The following GFRA1 variants were observed in gnomAD, a reference collection of about 807,000 sequenced individuals.
GFRA1 encodes GDNF family receptor alpha-1.
In GFRA1, 16 loss-of-function variants were observed where a neutral mutation model predicts 51.6. The observed-to-expected ratio is 0.31, with a 90% CI of 0.21 to 0.47. The LOEUF is 0.47. Among genes scored for constraint, GFRA1 ranks in the 20% least tolerant of loss-of-function variants. The pLI is 1.00. For synonymous variants in GFRA1, 270 were observed against 241.3 expected (o/e 1.12, Z -1.10); for missense variants, 530 against 594.3 (o/e 0.89, Z 1.13).
At chr10:116,181,626 T>TA (rs1213780668) in intron 5 of GFRA1, among the ~76,000 whole-genome samples, 5 of 32,548 alleles carry the variant, frequency 1.5e-4, no homozygotes, top group Admixed American at 6.5e-4. Flanking sequence ...AAATATGAGG[T>TA]TTTTTTTTGT....
intron 5 of GFRA1, among the ~76,000 whole-genome samples, chr10:116,154,571 G>T (rs1959168681): frequency 6.6e-6 from 1 of 152,160 alleles, no homozygotes; most frequent in African/African-American, 2.4e-5. Context: ...TGACTAGAAG[G>T]AGTTAGGAGG....
intron 5 of GFRA1, among the ~76,000 whole-genome samples, chr10:116,130,726 TACAA>T (rs1434153445): frequency 1.3e-5 from 2 of 152,082 alleles, no homozygotes; most frequent in Admixed American, 1.3e-4. Context: ...AAAACCCAAA[TACAA>T]ACAAACAAAA....
At chr10:116,129,329 C>T (rs1052658960) in intron 5 of GFRA1, among the ~76,000 whole-genome samples, 4 of 152,096 alleles carry the variant, frequency 2.6e-5, no homozygotes, top group African/African-American at 7.2e-5. Context: ...GCTAATGCAT[C>T]GTGACCAACT....
intron 4 of GFRA1, among the ~76,000 whole-genome samples, chr10:116,243,123 T>C (rs2134643371): frequency 6.6e-6 from 1 of 152,364 alleles, no homozygotes; most frequent in South Asian, 2.1e-4. Context: ...AAATTTAACT[T>C]ATTTTTGAAT....
At chr10:116,212,609 C>A (rs1565654864) in intron 4 of GFRA1, among the ~76,000 whole-genome samples, 1 of 151,944 alleles carries the variant, frequency 6.6e-6, no homozygotes, top group African/African-American at 2.4e-5. Flanking sequence ...CTAACTACCA[C>A]CCCCACCAGA....
chr10:116,144,228 T>C (rs1315735262), intron 5 of GFRA1, among the ~76,000 whole-genome samples: 3 of 152,190 alleles, frequency 2.0e-5, no homozygotes, highest in Admixed American at 1.3e-4. Context: ...TTTCTGTATA[T>C]AAAAGCACAG....
At chr10:116,212,158 G>A (rs1965240659) in intron 4 of GFRA1, among the ~76,000 whole-genome samples, 1 of 152,052 alleles carries the variant, frequency 6.6e-6, no homozygotes, top group African/African-American at 2.4e-5. Context: ...AAAAATGAAT[G>A]TATTTTTTTC....
At chr10:116,245,629 A>C (rs1967801633) in intron 4 of GFRA1, among the ~76,000 whole-genome samples, 1 of 152,238 alleles carries the variant, frequency 6.6e-6, no homozygotes, top group Non-Finnish European at 1.5e-5. Context: ...AACGAAACAC[A>C]AATGTTTATA....
At chr10:116,197,406 A>G (rs1215704914) in intron 5 of GFRA1, among the ~76,000 whole-genome samples, 1 of 152,214 alleles carries the variant, frequency 6.6e-6, no homozygotes, top group Non-Finnish European at 1.5e-5. Context: ...ACTGCCAGAA[A>G]TAAAGCTCAG....
intron 9 of GFRA1, among the ~76,000 whole-genome samples, chr10:116,069,790 A>T (rs1169380186): frequency 6.6e-6 from 1 of 152,122 alleles, no homozygotes; most frequent in Non-Finnish European, 1.5e-5. Flanking sequence ...TGCACACATC[A>T]TTTATAGCTC....
intron 4 of GFRA1, among the ~76,000 whole-genome samples, chr10:116,219,005 A>G (rs1354779811): frequency 6.6e-6 from 1 of 152,032 alleles, no homozygotes; most frequent in Non-Finnish European, 1.5e-5. Flanking sequence ...TGTGGATAAG[A>G]AAAAAATAAA....
rs1312830221 is a variant in GFRA1, at chr10:116,121,769, A to G, written c.770+3452T>C. ...TTGGGGCTATTCAAATGAGACCTCA[A>G]GTCATCACATCAGTGGTGAGGTTAG... is the stretch of plus-strand genomic sequence containing the variant. On this transcript the variant is annotated intron_variant, in intron 6 of 10. Transcript: ENST00000355422. 2.0e-5 allele frequency among the ~76,000 whole-genome samples: 3 copies of G among 152,302 alleles called. No homozygotes were observed. In the East Asian group the frequency reaches 5.8e-4, roughly 29 times the overall value.
chr10:116,109,979 C>T (rs1294813147), intron 6 of GFRA1, among the ~76,000 whole-genome samples: 2 of 152,114 alleles, frequency 1.3e-5, no homozygotes, highest in African/African-American at 4.8e-5. Context: ...GTGTCTGGCA[C>T]AGAGTTCAGT....
At chr10:116,084,640 C>G (rs916367580) in intron 9 of GFRA1, among the ~76,000 whole-genome samples, 2 of 152,130 alleles carry the variant, frequency 1.3e-5, no homozygotes, top group African/African-American at 4.8e-5. Context: ...CCACAGAAAT[C>G]AGAGGTCGAC....
chr10:116,197,980 G>A (rs990014716), intron 5 of GFRA1, among the ~76,000 whole-genome samples: 10 of 152,120 alleles, frequency 6.6e-5, no homozygotes, highest in South Asian at 4.1e-4. Flanking sequence ...GGCAGGTCAC[G>A]GAGCCAGATC....
At chr10:116,262,441 T>G (rs576474671) in intron 4 of GFRA1, among the ~76,000 whole-genome samples, 20 of 152,172 alleles carry the variant, frequency 1.3e-4, no homozygotes, top group Admixed American at 7.2e-4. Flanking sequence ...AAGACATAGG[T>G]TTTTCAGATC....
chr10:116,261,414 G>A (rs899434714), intron 4 of GFRA1, among the ~76,000 whole-genome samples: 11 of 152,250 alleles, frequency 7.2e-5, no homozygotes, highest in African/African-American at 2.4e-4. Context: ...AACAAATGCC[G>A]CACTTCCGAT....
At chr10:116,065,505 C>T in intron 10 of GFRA1, 68 bp downstream of exon 10, 1 of 1,272,434 alleles carries the variant, frequency 7.9e-7, no homozygotes, top group Non-Finnish European at 1.1e-6. Flanking sequence ...TATATGATAC[C>T]CTGCCCCCAG....
chr10:116,193,126 CCAAGGAGCCT>C (rs1963418865), intron 5 of GFRA1, among the ~76,000 whole-genome samples: 1 of 152,090 alleles, frequency 6.6e-6, no homozygotes, highest in African/African-American at 2.4e-5. Context: ...AAAATGGAAG[CCAAGGAGCCT>C]CAAGATTACA....
Sources: allele counts gnomAD v4.1 joint callset (sites outside exome capture counted in the v4.1 genomes callset), GRCh38; gene constraint gnomAD v4.1.1; transcripts MANE v1.5; gene names NCBI Gene and HGNC (gene_info 2026-07-23, HGNC 2026-07-21).